Variants in GMDS observed in about 807,000 individuals in gnomAD.
GMDS encodes the protein GDP-mannose 4,6-dehydratase.
Under a neutral mutation model 49.9 loss-of-function variants are expected in GMDS, and 20 were observed. The observed-to-expected ratio is 0.40, with a 90% CI of 0.28 to 0.58. GMDS has a LOEUF of 0.58. GMDS is among the 20% of genes least tolerant of loss of function. The pLI is 0.42. For synonymous variants in GMDS, 177 were observed against 178.6 expected, an observed-to-expected ratio of 0.99 and a Z score of 0.07; for missense variants, 362 against 481.4, an observed-to-expected ratio of 0.75 and a Z score of 2.32.
chr6:1,742,376 G>C (rs1423965408), intron 8 of GMDS, 92 bp downstream of exon 8: 3 of 722,170 alleles, frequency 4.2e-6, no homozygotes, highest in Admixed American at 2.0e-5. Flanking sequence ...GGAGAGTGAA[G>C]GGGGAAGATG....
At chr6:1,879,203 T>C (rs979071729) in intron 7 of GMDS, among the ~76,000 whole-genome samples, 19 of 152,062 alleles carry the variant, frequency 1.2e-4, no homozygotes, top group Admixed American at 2.6e-4. Flanking sequence ...TTAAACAAAA[T>C]TAAAATTAAG....
intron 7 of GMDS, among the ~76,000 whole-genome samples, chr6:1,829,038 G>C (rs1322955623): frequency 6.6e-6 from 1 of 152,108 alleles, no homozygotes; most frequent in Admixed American, 6.5e-5. Context: ...AGTTTCATTA[G>C]GAAAATCATA....
intron 1 of GMDS, among the ~76,000 whole-genome samples, chr6:2,210,258 A>G (rs574191364): frequency 8.5e-5 from 13 of 152,310 alleles, no homozygotes; most frequent in Non-Finnish European, 1.8e-4. Context: ...GTTCATCTCC[A>G]TAAGCCTCAG....
intron 2 of GMDS, among the ~76,000 whole-genome samples, chr6:2,119,743 CTT>C (rs2127503497): frequency 6.6e-6 from 1 of 152,228 alleles, no homozygotes; most frequent in East Asian, 1.9e-4. Context: ...TTTATATAAA[CTT>C]AATCAAAATC....
intron 1 of GMDS, among the ~76,000 whole-genome samples, chr6:2,186,360 A>G (rs1561640937): frequency 6.6e-6 from 1 of 152,214 alleles, no homozygotes. Flanking sequence ...AAAAATACCA[A>G]TTAATGAAAT....
chr6:1,872,629 CAT>C (rs1246000806), intron 7 of GMDS, among the ~76,000 whole-genome samples: 3 of 152,224 alleles, frequency 2.0e-5, no homozygotes, highest in South Asian at 2.1e-4. Flanking sequence ...ACGAGCCACA[CAT>C]GTGACAAATT....
At chr6:2,225,520 A>G (rs982020793) in intron 1 of GMDS, among the ~76,000 whole-genome samples, 2 of 152,190 alleles carry the variant, frequency 1.3e-5, no homozygotes, top group South Asian at 2.1e-4. Flanking sequence ...GCTCTCTTCC[A>G]TAAGTTCATT....
intron 9 of GMDS, among the ~76,000 whole-genome samples, chr6:1,691,216 C>T (rs1029202797): frequency 2.0e-5 from 3 of 152,022 alleles, no homozygotes; most frequent in African/African-American, 7.2e-5. Context: ...GCAGGGACAT[C>T]GATGAAGCTG....
intron 9 of GMDS, among the ~76,000 whole-genome samples, chr6:1,695,545 T>C (rs1314931303): frequency 1.3e-5 from 2 of 152,242 alleles, no homozygotes; most frequent in African/African-American, 2.4e-5. Context: ...TTGGTAATCA[T>C]AGAGGGCTCT....
chr6:1,937,834 A>T (rs1762625462), intron 6 of GMDS, among the ~76,000 whole-genome samples: 1 of 152,200 alleles, frequency 6.6e-6, no homozygotes, highest in Admixed American at 6.5e-5. Flanking sequence ...ATGTGGACAT[A>T]TCTTTCTGGG....
intron 4 of GMDS, among the ~76,000 whole-genome samples, chr6:2,104,684 T>C (rs185983498): frequency 2.2e-4 from 34 of 152,292 alleles, no homozygotes; most frequent in Admixed American, 1.2e-3. Context: ...TGAAGTTACA[T>C]TATTTAACAT....
chr6:1,764,749 T>G (rs186173225), intron 7 of GMDS, among the ~76,000 whole-genome samples: 1 of 152,348 alleles, frequency 6.6e-6, no homozygotes, highest in East Asian at 1.9e-4. Flanking sequence ...AAAGATGAGT[T>G]TTAGAACTGA....
At chr6:2,105,050 C>T (rs1047135494) in intron 4 of GMDS, among the ~76,000 whole-genome samples, 1 of 151,888 alleles carries the variant, frequency 6.6e-6, no homozygotes, top group South Asian at 2.1e-4. Flanking sequence ...GGTGTGGTGG[C>T]AGGCACCTGT....
At chr6:2,075,329 G>T (rs894814661) in intron 4 of GMDS, among the ~76,000 whole-genome samples, 6 of 151,788 alleles carry the variant, frequency 4.0e-5, no homozygotes, top group Middle Eastern at 3.2e-3. Flanking sequence ...GTGCAGGTTT[G>T]TTACATATGT....
chr6:2,065,385 C>T lies in GMDS; in HGVS notation c.345+50386G>A, dbSNP rs537668654. On this transcript the variant is annotated intron_variant, in intron 4 of 10. Transcript: ENST00000380815. ...GAGCGCCTCTCCTCCTCCAAAGGAACACAGTTCCTCACCAGCAATGGAACA... is the reference window on the plus strand; with the variant it reads ...GAGCGCCTCTCCTCCTCCAAAGGAATACAGTTCCTCACCAGCAATGGAACA... Among the ~76,000 whole-genome samples the T allele has an allele frequency of 5.6e-3, 859 of 152,302 alleles. 5 individuals carry two copies. The highest frequency in any genetic ancestry group is 0.019 in the African/African-American group (788 of 41,566).
chr6:2,213,580 T>TA (rs887400297), intron 1 of GMDS, among the ~76,000 whole-genome samples: 1 of 151,412 alleles, frequency 6.6e-6, no homozygotes, highest in Non-Finnish European at 1.5e-5. Flanking sequence ...ACATACGGAG[T>TA]AAAAAAATAA....
intron 10 of GMDS, 74 bp from the exon 11 acceptor site, chr6:1,624,305 G>GC: frequency 1.4e-6 from 2 of 1,400,160 alleles, no homozygotes; most frequent in Non-Finnish European, 2.0e-6. Context: ...CCGGGTGTCG[G>GC]CCCCAGAGAG....
Position 1,635,319 on chromosome 6 carries a change from C to T in GMDS, c.988-10779G>A, listed in dbSNP as rs74809376. On this transcript the variant is annotated intron_variant, in intron 9 of 10. Transcript: ENST00000380815. The surrounding 1 kb of genome is among the most constrained non-coding windows in gnomAD (Gnocchi z 4.7). ...TGAGGGGAAACAGCTTGTCTTCTTC[C>T]GTGACCCTGGTCCACGGGACAGGCG... Among the ~76,000 whole-genome samples the T allele has an allele frequency of 5.7e-3, 872 of 152,240 alleles. 4 individuals are homozygous for T. The highest frequency in any genetic ancestry group is 0.019 in the African/African-American group (807 of 41,544).
chr6:1,641,689 C>T (rs1463797812), intron 9 of GMDS, among the ~76,000 whole-genome samples: 3 of 151,670 alleles, frequency 2.0e-5, no homozygotes, highest in Non-Finnish European at 2.9e-5. Flanking sequence ...GTACAGCTCG[C>T]GTCTCTCGGA....
Sources: gnomAD v4.1 joint callset for allele counts (sites outside exome capture counted in the v4.1 genomes callset) on GRCh38, gnomAD v4.1.1 for gene constraint, Gnocchi (gnomAD v3.1) non-coding constraint, MANE v1.5 for transcripts, NCBI Gene and HGNC (gene_info 2026-07-23, HGNC 2026-07-21) for gene names.